The following DAB2IP variants were observed in gnomAD, a reference collection of about 807,000 sequenced individuals.
DAB2IP encodes the protein DAB2 interacting protein.
DAB2IP carries 28 observed loss-of-function variants against 107.2 expected under a neutral mutation model. The observed-to-expected ratio is 0.26, with a 90% CI of 0.19 to 0.36. The LOEUF is 0.36. DAB2IP is among the 10% of genes least tolerant of loss of function. DAB2IP has a pLI of 1.00. For synonymous variants in DAB2IP, 755 were observed against 706.4 expected (o/e 1.07, Z -1.09); for missense variants, 1,400 against 1,644.7 (o/e 0.85, Z 2.57).
chr9:121,636,322 T>G (rs1426394095), intron 1 of DAB2IP, among the ~76,000 whole-genome samples: 2 of 152,192 alleles, frequency 1.3e-5, no homozygotes, highest in African/African-American at 4.8e-5. Flanking sequence ...TCTGGCCTGC[T>G]TTTATTCTCC....
intron 11 of DAB2IP, among the ~76,000 whole-genome samples, chr9:121,771,901 C>T (rs1383558209): frequency 1.3e-5 from 2 of 151,986 alleles, no homozygotes; most frequent in African/African-American, 4.8e-5. Flanking sequence ...CTCTCCAAAG[C>T]CCCCCTGGAC....
intron 2 of DAB2IP, among the ~76,000 whole-genome samples, chr9:121,693,831 C>T (rs576790305): frequency 9.2e-5 from 14 of 152,342 alleles, no homozygotes; most frequent in Admixed American, 7.8e-4. Context: ...TGATTGAGCA[C>T]CTACTATGTG....
In DAB2IP at chr9:121,764,919, C is replaced by T. The variant is rs115401266; in HGVS notation, c.1460+1040C>T. Among the ~76,000 whole-genome samples the T allele has an allele frequency of 6.0e-3, 919 of 152,338 alleles. 9 individuals carry two copies. Among genetic ancestry groups the T allele is most frequent in the African/African-American group, 0.02 (852 of 41,578 alleles). On this transcript the variant is annotated intron_variant, in intron 8 of 15. Coordinates refer to ENST00000408936, the Ensembl canonical transcript of DAB2IP. ...TGTGAATGCTGGGGCACCCTGGGGG[C>T]AGGTGAGCCCACCACCTCAGGACTG...
chr9:121,600,877 G>A lies in DAB2IP; in HGVS notation c.40+33649G>A, dbSNP rs563834578. 2.6e-5 allele frequency among the ~76,000 whole-genome samples: 4 copies of A among 152,270 alleles called. No homozygotes were observed. The East Asian group carries it at 7.7e-4, about 29-fold the overall frequency. On this transcript the variant is annotated intron_variant, in intron 1 of 16. Coordinates refer to the DAB2IP transcript ENST00000259371. Reference sequence around the variant, plus strand: ...GTGAGGCGTAGAAGGCGCCTGGCTCGTAGGACAGCCATCTTAAGCAGCCGA... The same window carrying A: ...GTGAGGCGTAGAAGGCGCCTGGCTCATAGGACAGCCATCTTAAGCAGCCGA...
intron 1 of DAB2IP, among the ~76,000 whole-genome samples, chr9:121,567,773 A>G (rs1195457596): frequency 6.6e-6 from 1 of 152,106 alleles, no homozygotes; most frequent in Admixed American, 6.5e-5. Context: ...GTTGCTCGGG[A>G]CAGAGCCCAT....
intron 3 of DAB2IP, among the ~76,000 whole-genome samples, chr9:121,719,647 G>A (rs988336276): frequency 6.6e-6 from 1 of 152,190 alleles, no homozygotes; most frequent in South Asian, 2.1e-4. Flanking sequence ...AGATTAGACT[G>A]GGGGAGGGAG....
chr9:121,774,560 T>C (rs1287723222), intron 13 of DAB2IP, 148 bp downstream of exon 13: 33 of 929,344 alleles, frequency 3.6e-5, no homozygotes, highest in Non-Finnish European at 4.9e-5. Context: ...CCTGTGAGAA[T>C]AGCAGTCAGT....
chr9:121,770,754 T>C, intron 11 of DAB2IP, 30 bp downstream of exon 11: 1 of 1,609,648 alleles, frequency 6.2e-7, no homozygotes, highest in Non-Finnish European at 8.5e-7. Context: ...TTGGGTGTGG[T>C]GGGTGCGTGT....
chr9:121,763,687 A>G, intron 7 of DAB2IP, 38 bp downstream of exon 7: 1 of 1,611,694 alleles, frequency 6.2e-7, no homozygotes, highest in Non-Finnish European at 8.5e-7. Flanking sequence ...AGGGTGGGGC[A>G]GGGCCCGCCA....
intron 3 of DAB2IP, among the ~76,000 whole-genome samples, chr9:121,746,984 G>A (rs1277379696): frequency 5.9e-5 from 9 of 152,138 alleles, no homozygotes; most frequent in Non-Finnish European, 1.2e-4. Context: ...ATGGGTCAGG[G>A]CCTTGAAACA....
upstream of DAB2IP, among the ~76,000 whole-genome samples, chr9:121,648,106 G>T (rs1207690614): frequency 6.6e-6 from 1 of 152,076 alleles, no homozygotes; most frequent in East Asian, 1.9e-4. Flanking sequence ...CAGGGAACGG[G>T]TGGAAAGGGG....
chr9:121,769,353 G>A (rs529028376), intron 10 of DAB2IP, among the ~76,000 whole-genome samples: 1 of 152,206 alleles, frequency 6.6e-6, no homozygotes, highest in East Asian at 1.9e-4. Context: ...CTGTGCATGT[G>A]TAAGCGCACA....
At chr9:121,593,396 A>G (rs530981756) in intron 1 of DAB2IP, among the ~76,000 whole-genome samples, 2 of 152,038 alleles carry the variant, frequency 1.3e-5, no homozygotes, top group Admixed American at 6.5e-5. Flanking sequence ...GCCTCCCTAG[A>G]AGCTGGGATC....
intron 3 of DAB2IP, among the ~76,000 whole-genome samples, chr9:121,722,271 A>G (rs889888173): frequency 3.6e-4 from 55 of 152,112 alleles, no homozygotes; most frequent in African/African-American, 1.3e-3. Context: ...TCGCAAGAAC[A>G]CCTAAAAACC....
rs748316736 is a variant in DAB2IP, at chr9:121,756,983, G to T, written c.363-30G>T. The T allele has an allele frequency of 2.5e-6, 4 of 1,613,030 alleles. No homozygotes were observed. The South Asian group carries it at 3.3e-5, about 13-fold the overall frequency. ...AACCAGCTTGACCCGGGCTGTGGGG[G>T]CCCACCTGACACACCTACTGCCACC... On this transcript the variant is annotated intron_variant, in intron 3 of 15. Coordinates refer to ENST00000408936, the Ensembl canonical transcript of DAB2IP.
Position 121,744,040 on chromosome 9 carries a change from G to GGT in DAB2IP, c.363-12969_363-12968dup, listed in dbSNP as rs1832541848. On this transcript the variant is annotated intron_variant, in intron 3 of 15. Coordinates refer to ENST00000408936, the Ensembl canonical transcript of DAB2IP. ...GTCCCCCAGGCGCGGTGTCCCCTGT[G>GGT]GTGTGCTCCGTTGAGAACTGGGAAA... 1.3e-5 allele frequency among the ~76,000 whole-genome samples: 2 copies of GGT among 152,220 alleles called. 1 individual carries two copies. Among genetic ancestry groups the GGT allele is most frequent in the South Asian group, 4.1e-4 (2 of 4,828 alleles).
At chr9:121,754,321 C>T (rs1175279575) in intron 3 of DAB2IP, among the ~76,000 whole-genome samples, 1 of 152,190 alleles carries the variant, frequency 6.6e-6, no homozygotes, top group Non-Finnish European at 1.5e-5. Flanking sequence ...CGCATAGGAA[C>T]GTGAGTGAGA....
chr9:121,733,601 C>G (rs187417307), intron 3 of DAB2IP, among the ~76,000 whole-genome samples: 3 of 152,150 alleles, frequency 2.0e-5, no homozygotes, highest in Non-Finnish European at 2.9e-5. Context: ...GAACAGACCC[C>G]AAGGAAGGCC....
At chr9:121,598,656 CG>C (rs1830585586) in intron 1 of DAB2IP, 1 of 152,296 alleles carries the variant, frequency 6.6e-6, no homozygotes, top group Admixed American at 6.5e-5. Context: ...GGCGCGCCCT[CG>C]CCCTACGCGG....
Sources: allele counts gnomAD v4.1 joint callset (sites outside exome capture counted in the v4.1 genomes callset), GRCh38; gene constraint gnomAD v4.1.1; transcripts MANE v1.5; gene names NCBI Gene and HGNC (gene_info 2026-07-23, HGNC 2026-07-21).